Variants in ADAMTS6 observed in about 807,000 individuals in gnomAD.
ADAMTS6 encodes A disintegrin and metalloproteinase with thrombospondin motifs 6.
ADAMTS6 carries 23 observed loss-of-function variants against 144.3 expected under a neutral mutation model. The ratio of observed to expected loss-of-function variants is 0.16; its 90% confidence interval spans 0.11 to 0.23. The LOEUF (loss-of-function observed/expected upper bound fraction) is 0.23. Among genes scored for constraint, ADAMTS6 ranks in the 10% least tolerant of loss-of-function variants. The pLI, the probability that ADAMTS6 is intolerant of heterozygous loss-of-function variation, is 1.00. For missense variants in ADAMTS6, 999 were observed against 1,379.6 expected (o/e 0.72, Z 4.37); for synonymous variants, 444 against 457.5 (o/e 0.97, Z 0.38).
chr5:65,262,183 G>A (rs945191097), intron 13 of ADAMTS6, among the ~76,000 whole-genome samples: 1 of 152,214 alleles, frequency 6.6e-6, no homozygotes, highest in Admixed American at 6.5e-5. Context: ...TACTGATGGT[G>A]CTGGCCTTGT....
intron 8 of ADAMTS6, among the ~76,000 whole-genome samples, chr5:65,331,862 T>G (rs548981978): frequency 2.4e-4 from 36 of 152,136 alleles, no homozygotes; most frequent in Admixed American, 4.6e-4. Context: ...TACATATATA[T>G]GCAGCTCATT....
intron 12 of ADAMTS6, among the ~76,000 whole-genome samples, chr5:65,271,702 A>G (rs905414469): frequency 8.5e-5 from 13 of 152,164 alleles, no homozygotes; most frequent in African/African-American, 3.1e-4. Flanking sequence ...CATGAGAATA[A>G]TAATAAATCA....
At chr5:65,430,525 C>A (rs544930521) in intron 7 of ADAMTS6, among the ~76,000 whole-genome samples, 1 of 152,150 alleles carries the variant, frequency 6.6e-6, no homozygotes, top group Non-Finnish European at 1.5e-5. Flanking sequence ...GATGGTCTCA[C>A]AGACAAGACC....
intron 9 of ADAMTS6, among the ~76,000 whole-genome samples, chr5:65,301,078 A>T (rs1743328113): frequency 6.6e-6 from 1 of 152,150 alleles, no homozygotes; most frequent in South Asian, 2.1e-4. Flanking sequence ...CTTCATTTTT[A>T]AAATATTTTG....
intron 7 of ADAMTS6, among the ~76,000 whole-genome samples, chr5:65,367,824 T>C (rs563973718): frequency 2.0e-5 from 3 of 152,186 alleles, no homozygotes; most frequent in Non-Finnish European, 2.9e-5. Flanking sequence ...AACTGTTGTA[T>C]ATAAACCAAA....
intron 14 of ADAMTS6, chr5:65,251,706 C>T (rs4343796): frequency 1.3e-5 from 2 of 152,278 alleles, no homozygotes; most frequent in Admixed American, 6.5e-5. Flanking sequence ...GCCTCAGAGT[C>T]TAGTAACTGA....
chr5:65,190,861 G>T (rs1281236136), intron 21 of ADAMTS6, among the ~76,000 whole-genome samples: 1 of 151,994 alleles, frequency 6.6e-6, no homozygotes, highest in Non-Finnish European at 1.5e-5. Context: ...CTCTCTGAAG[G>T]ATTAAATCAC....
intron 10 of ADAMTS6, 78 bp from the exon 11 acceptor site, chr5:65,291,548 G>T: frequency 2.1e-6 from 3 of 1,416,252 alleles, no homozygotes; most frequent in Non-Finnish European, 2.8e-6. Context: ...CACGTGTTGA[G>T]CTTTGTTTTA....
intron 7 of ADAMTS6, among the ~76,000 whole-genome samples, chr5:65,423,440 G>T (rs767396753): frequency 1.3e-5 from 2 of 152,050 alleles, no homozygotes; most frequent in African/African-American, 2.4e-5. Flanking sequence ...ATAGTAATAA[G>T]GTAACAAAAT....
At chr5:65,169,587 G>C (rs1402166315) in intron 24 of ADAMTS6, among the ~76,000 whole-genome samples, 1 of 146,142 alleles carries the variant, frequency 6.8e-6, no homozygotes, top group Non-Finnish European at 1.5e-5. Flanking sequence ...ACATGCACAC[G>C]TATGTTTATT....
At chr5:65,323,905 G>A (rs1360635188) in intron 9 of ADAMTS6, among the ~76,000 whole-genome samples, 15 of 152,158 alleles carry the variant, frequency 9.9e-5, no homozygotes, top group South Asian at 2.1e-4. Flanking sequence ...TTTTGGCTGC[G>A]TAAATGTCTT....
intron 24 of ADAMTS6, among the ~76,000 whole-genome samples, chr5:65,154,117 A>G (rs889284268): frequency 2.0e-5 from 3 of 152,248 alleles, no homozygotes; most frequent in African/African-American, 7.2e-5. Flanking sequence ...CTGAGACACA[A>G]GAATCACTTG....
At chr5:65,170,902 T>C (rs1031011569) in intron 23 of ADAMTS6, 129 bp from the exon 24 acceptor site, 19 of 982,268 alleles carry the variant, frequency 1.9e-5, no homozygotes, top group Non-Finnish European at 2.5e-5. Flanking sequence ...CACAGCGTCT[T>C]GCTATGTTGG....
At chr5:65,331,561 T>A (rs1179992035) in intron 8 of ADAMTS6, among the ~76,000 whole-genome samples, 1 of 152,076 alleles carries the variant, frequency 6.6e-6, no homozygotes, top group Admixed American at 6.6e-5. Context: ...ATTTTCTGTA[T>A]ACCTATAAAA....
intron 1 of ADAMTS6, among the ~76,000 whole-genome samples, chr5:65,476,630 C>G (rs1760857617): frequency 6.6e-6 from 1 of 151,400 alleles, no homozygotes; most frequent in African/African-American, 2.4e-5. Context: ...TTTTTTGAGA[C>G]TGAGTCTTGC....
At chr5:65,182,769 A>G (rs1403162154) in intron 22 of ADAMTS6, among the ~76,000 whole-genome samples, 2 of 152,334 alleles carry the variant, frequency 1.3e-5, no homozygotes, top group East Asian at 3.9e-4. Flanking sequence ...CATTTTAGAA[A>G]AATTACACCT....
rs758625177 is a variant in ADAMTS6, at chr5:65,471,003, C to A, written c.237G>T (p.Gln79His). The change falls in exon 3 of 25, where the codon CAG becomes CAT. Residue 79 changes from glutamine to histidine, a missense_variant. By Grantham distance (24) the Gln-to-His change is conservative (BLOSUM62 0). This residue lies in a region of ADAMTS6 where 252 missense variants were observed against 293.7 expected (regional missense o/e 0.86). Coordinates refer to ENST00000381055, the MANE Select transcript of ADAMTS6 (RefSeq NM_197941.4). ...RRRSMDPIDP[Q>H]QAVSKLFFKL... is the part of the protein sequence containing the mutation. ...TAAAAAATAACTTAGATACTGCCTGCTGTGGATCAATAGGGTCCATACTCC... is the reference window on the plus strand; with the variant it reads ...TAAAAAATAACTTAGATACTGCCTGATGTGGATCAATAGGGTCCATACTCC... 1 of 1,613,016 alleles carries A rather than the reference C, an allele frequency of 6.2e-7. No individual in the cohort carries two copies. Among genetic ancestry groups the A allele is most frequent in the Non-Finnish European group, 8.5e-7 (1 of 1,179,622 alleles).
chr5:65,411,699 T>A (rs1001330402), intron 7 of ADAMTS6, among the ~76,000 whole-genome samples: 1 of 152,156 alleles, frequency 6.6e-6, no homozygotes, highest in Admixed American at 6.6e-5. Flanking sequence ...GATAAGTGTA[T>A]AAAGGGAAGG....
intron 11 of ADAMTS6, among the ~76,000 whole-genome samples, chr5:65,274,931 C>T (rs922717888): frequency 1.3e-5 from 2 of 152,106 alleles, no homozygotes; most frequent in Non-Finnish European, 2.9e-5. Context: ...GATCTGCCCC[C>T]ACTTGGCCTC....
Sources: gnomAD v4.1 joint callset for allele counts (sites outside exome capture counted in the v4.1 genomes callset) on GRCh38, gnomAD v4.1.1 for gene constraint, gnomAD v4.1.1 regional missense constraint, MANE v1.5 for transcripts, NCBI Gene and HGNC (gene_info 2026-07-23, HGNC 2026-07-21) for gene names.